IFITM3: variants seen among roughly 807,000 people sequenced by gnomAD.
IFITM3 encodes interferon-induced transmembrane protein 3.
IFITM3 carries 5 observed loss-of-function variants against 5.2 expected under a neutral mutation model. That is an observed-to-expected ratio of 0.96 (90% CI 0.50 to 2.03). The LOEUF is 2.03. IFITM3 is among the 30% of genes most tolerant of loss of function. The probability of loss-of-function intolerance (pLI) is 0.01; values close to 1 mark genes in which losing one functional copy is unlikely to be tolerated. For synonymous variants in IFITM3, 81 were observed against 77.6 expected, an observed-to-expected ratio of 1.04 and a Z score of -0.23; for missense variants, 156 against 177.3, an observed-to-expected ratio of 0.88 and a Z score of 0.68.
In IFITM3 at chr11:320,693, G is replaced by C. The variant is rs1276049245; in HGVS notation, c.121C>G (p.Pro41Ala). The C allele has an allele frequency of 1.2e-6, 2 of 1,613,488 alleles. No individual in the cohort carries two copies. The highest frequency in any genetic ancestry group is 2.7e-5 in the African/African-American group (2 of 74,806). ...CGGATGTGGATCACGGTGGACGTCGGGGGAGCAGGGTTGTGGGGCGCCCCC... is the reference window on the plus strand; with the variant it reads ...CGGATGTGGATCACGGTGGACGTCGCGGGAGCAGGGTTGTGGGGCGCCCCC... ...VLGAPHNPAP[P>A]TSTVIHIRSE... Residue 41 changes from proline to alanine, a missense_variant, in exon 1 of 2, where the codon CCG (proline) becomes GCG (alanine). Transcript: ENST00000399808.
At position 320,817 on chromosome 11, in the gene IFITM3, G is replaced by T; in HGVS notation, c.-4C>A. ...AGGTTTGGACAGTGTGATTCATGGT[G>T]TCCAGCGAAGACCAGCGGCGGTCGG... On this transcript the variant is annotated 5_prime_UTR_variant, in exon 1 of 2. Transcript: ENST00000399808. 1 of 1,602,442 alleles carries T rather than the reference G, an allele frequency of 6.2e-7. No individual in the cohort carries two copies. The highest frequency in any genetic ancestry group is 8.5e-7 in the Non-Finnish European group (1 of 1,170,928).
Position 319,994 on chromosome 11 carries a change from G to A in IFITM3, c.250-4C>T. On this transcript the variant is annotated splice_polypyrimidine_tract_variant and splice_region_variant and intron_variant, in intron 1 of 1. Coordinates refer to ENST00000399808, the MANE Select transcript of IFITM3 (RefSeq NM_021034.3). ...CAACCATCTTCCTGTCCCTAGACTG[G>A]GGGAGAGGAGATGGTGAGGGGACCA... 4 of 1,612,758 alleles carry A rather than the reference G, an allele frequency of 2.5e-6. No individual in the cohort carries two copies. The highest frequency in any genetic ancestry group is 3.4e-6 in the Non-Finnish European group (4 of 1,179,568).
At chr11:320,054 C>A (rs200390638) in intron 1 of IFITM3, 64 bp from the exon 2 acceptor site, 12 of 1,603,966 alleles carry the variant, frequency 7.5e-6, no homozygotes, top group Non-Finnish European at 9.4e-6. Context: ...GCTATGGCTC[C>A]GTCTCCTCAT....
In IFITM3 at chr11:320,516, G is replaced by C. The variant is rs529461481; in HGVS notation, c.249+49C>G. The C allele has an allele frequency of 1.6e-5, 25 of 1,603,562 alleles. No individual in the cohort carries two copies. In the South Asian group the frequency reaches 2.8e-4, roughly 18 times the overall value. On this transcript the variant is annotated intron_variant, in intron 1 of 1. Coordinates refer to ENST00000399808, the MANE Select transcript of IFITM3 (RefSeq NM_021034.3). ...CCCAGGCAGCATGTGGGCAGGTGGA[G>C]CTCCAGGCTCAGCGGCACCCTCTGA...
At position 320,860 on chromosome 11, in the gene IFITM3, C is replaced by T. The variant is rs770352701; in HGVS notation, c.-47G>A. On this transcript the variant is annotated 5_prime_UTR_variant, in exon 1 of 2. Transcript: ENST00000399808. Reference sequence around the variant, plus strand: ...GCGGTCGGGTTACTGGGATGGTTCTCAGTGAGCCCTCCCTTTCCCCAGTAG... The same window carrying T: ...GCGGTCGGGTTACTGGGATGGTTCTTAGTGAGCCCTCCCTTTCCCCAGTAG... 6.4e-6 allele frequency: 10 copies of T among 1,568,294 alleles called. No individual in the cohort carries two copies. The South Asian group carries it at 1.2e-4, about 18-fold the overall frequency.
In IFITM3 at chr11:319,755, G is replaced by A. The variant is rs548618121; in HGVS notation, c.*83C>T. On this transcript the variant is annotated 3_prime_UTR_variant, in exon 2 of 2. Transcript: ENST00000399808. ...AAGGGCTGATACAGGACTCGGCTCC[G>A]GGGGCAGGGCGAGGAATGGAAGTTG... 1.8e-4 allele frequency: 287 copies of A among 1,577,290 alleles called. No homozygotes were observed. Among genetic ancestry groups the A allele is most frequent in the African/African-American group, 1.3e-3 (96 of 74,260 alleles).
At position 319,874 on chromosome 11, in the gene IFITM3, G is replaced by A. The variant is rs2119486884; in HGVS notation, c.366C>T (p.Ile122=). The A allele has an allele frequency of 1.9e-6, 3 of 1,614,194 alleles. No homozygotes were observed. The highest frequency in any genetic ancestry group is 1.7e-5 in the Admixed American group (1 of 60,026). The change falls in exon 2 of 2, where the codon ATC becomes ATT. Residue 122 remains isoleucine, a synonymous_variant. Transcript: ENST00000399808. The part of the protein sequence containing the change: ...ILGILMTILL[I]VIPVLIFQAY... ...CCTGGAAGATCAGCACTGGGATGAC[G>A]ATGAGCAGAATGGTCATGAGGATGC...
Position 320,715 on chromosome 11 carries a change from C to A in IFITM3, c.99G>T (p.Gly33=). Reference sequence around the variant, plus strand: ...TCGGGGGAGCAGGGTTGTGGGGCGCCCCCAGCACAGCCACCTCGTGCTCCT... The same window carrying A: ...TCGGGGGAGCAGGGTTGTGGGGCGCACCCAGCACAGCCACCTCGTGCTCCT... The part of the protein sequence containing the change: ...LKEEHEVAVL[G]APHNPAPPTS... Residue 33 remains glycine, a synonymous_variant, in exon 1 of 2, where the codon GGG becomes GGT. Transcript: ENST00000399808. The A allele has an allele frequency of 6.2e-7, 1 of 1,613,866 alleles. No individual in the cohort carries two copies. Among genetic ancestry groups the A allele is most frequent in the Non-Finnish European group, 8.5e-7 (1 of 1,179,860 alleles).
At position 320,762 on chromosome 11, in the gene IFITM3, G is replaced by A. The variant is rs764925878; in HGVS notation, c.52C>T (p.Pro18Ser). 5.0e-6 allele frequency: 8 copies of A among 1,613,880 alleles called. No homozygotes were observed. The Admixed American group carries it at 1.2e-4, about 24-fold the overall frequency. ...FFSPVNSGQP[P>S]NYEMLKEEHE... is the part of the protein sequence containing the mutation. ...TCCTCCTTGAGCATCTCATAGTTGGGGGGCTGGCCACTGTTGACAGGAGAG... is the reference window on the plus strand; with the variant it reads ...TCCTCCTTGAGCATCTCATAGTTGGAGGGCTGGCCACTGTTGACAGGAGAG... Residue 18 changes from proline to serine, a missense_variant, in exon 1 of 2, where the codon CCC (proline) becomes TCC (serine). Transcript: ENST00000399808.
chr11:319,694 T>G lies in IFITM3; in HGVS notation c.*144A>C. On this transcript the variant is annotated 3_prime_UTR_variant, in exon 2 of 2. Coordinates refer to ENST00000399808, the MANE Select transcript of IFITM3 (RefSeq NM_021034.3). ...CAGCAGCACCAGAAACACGTGCACT[T>G]TATTGAATGCCATTGTAGAAAAGCG... The G allele has an allele frequency of 3.7e-6, 4 of 1,081,730 alleles. No individual in the cohort carries two copies. Among genetic ancestry groups the G allele is most frequent in the Non-Finnish European group, 5.6e-6 (4 of 718,470 alleles). The allele number at this position is 1,081,730 out of a possible 1,614,324, so 67.0% of individuals were successfully genotyped here. A position where few individuals can be genotyped will look rare whatever the true frequency, so the allele number is the denominator to read the frequency against.
Position 319,715 on chromosome 11 carries a change from A to G in IFITM3, c.*123T>C. 1 of 1,252,794 alleles carries G rather than the reference A, an allele frequency of 8.0e-7. No homozygotes were observed. Among genetic ancestry groups the G allele is most frequent in the African/African-American group, 1.5e-5 (1 of 67,856 alleles). 77.6% of individuals were successfully genotyped at this position (1,252,794 alleles called of 1,614,324 possible). On this transcript the variant is annotated 3_prime_UTR_variant, in exon 2 of 2. Coordinates refer to ENST00000399808, the MANE Select transcript of IFITM3 (RefSeq NM_021034.3). ...CACTTTATTGAATGCCATTGTAGAA[A>G]AGCGTGTGAGGATAAAGGGCTGATA...
chr11:319,718 C>G lies in IFITM3; in HGVS notation c.*120G>C. 7.9e-7 allele frequency: 1 copy of G among 1,264,262 alleles called. No homozygotes were observed. Among genetic ancestry groups the G allele is most frequent in the Non-Finnish European group, 1.1e-6 (1 of 871,822 alleles). The allele number at this position is 1,264,262 out of a possible 1,614,324, so 78.3% of individuals were successfully genotyped here. On this transcript the variant is annotated 3_prime_UTR_variant, in exon 2 of 2. Coordinates refer to ENST00000399808, the MANE Select transcript of IFITM3 (RefSeq NM_021034.3). ...TTTATTGAATGCCATTGTAGAAAAG[C>G]GTGTGAGGATAAAGGGCTGATACAG... is the stretch of plus-strand genomic sequence containing the variant.
chr11:319,853 G>A lies in IFITM3; in HGVS notation c.387C>T (p.Phe129=), dbSNP rs760227112. The change falls in exon 2 of 2, where the codon TTC becomes TTT. Residue 129 remains phenylalanine, a synonymous_variant. Transcript: ENST00000399808. ...GCCTCCTGATCTATCCATAGGCCTG[G>A]AAGATCAGCACTGGGATGACGATGA... ...ILLIVIPVLI[F]QAYG The A allele has an allele frequency of 1.5e-5, 25 of 1,614,086 alleles. No individual in the cohort carries two copies. Among genetic ancestry groups the A allele is most frequent in the South Asian group, 1.3e-4 (12 of 91,090 alleles).
rs768839331 is a variant in IFITM3, at chr11:319,741, C to A, written c.*97G>T. On this transcript the variant is annotated 3_prime_UTR_variant, in exon 2 of 2. Coordinates refer to ENST00000399808, the MANE Select transcript of IFITM3 (RefSeq NM_021034.3). The stretch of plus-strand genomic sequence containing the variant: ...AGCGTGTGAGGATAAAGGGCTGATA[C>A]AGGACTCGGCTCCGGGGGCAGGGCG... 6.7e-7 allele frequency: 1 copy of A among 1,499,706 alleles called. No individual in the cohort carries two copies. Among genetic ancestry groups the A allele is most frequent in the South Asian group, 1.1e-5 (1 of 88,024 alleles). The allele number at this position is 1,499,706 out of a possible 1,614,324, so 92.9% of individuals were successfully genotyped here.
chr11:320,845 T>G lies in IFITM3; in HGVS notation c.-32A>C, dbSNP rs1846094488. 3 of 1,585,276 alleles carry G rather than the reference T, an allele frequency of 1.9e-6. No homozygotes were observed. Among genetic ancestry groups the G allele is most frequent in the Non-Finnish European group, 2.6e-6 (3 of 1,160,084 alleles). ...CAGCGAAGACCAGCGGCGGTCGGGT[T>G]ACTGGGATGGTTCTCAGTGAGCCCT... On this transcript the variant is annotated 5_prime_UTR_variant, in exon 1 of 2. Transcript: ENST00000399808.
Position 319,838 on chromosome 11 carries a change from C to T in IFITM3, c.402G>A (p.Ter134=). The change falls in exon 2 of 2, where the codon TAG becomes TAA. Residue 134 remains the stop codon, a stop_retained_variant. Transcript: ENST00000399808. ...IPVLIFQAYG[*] Reference sequence around the variant, plus strand: ...CCTGGCCTCAGTGATGCCTCCTGATCTATCCATAGGCCTGGAAGATCAGCA... The same window carrying T: ...CCTGGCCTCAGTGATGCCTCCTGATTTATCCATAGGCCTGGAAGATCAGCA... 3 of 1,614,184 alleles carry T rather than the reference C, an allele frequency of 1.9e-6. No homozygotes were observed. Among genetic ancestry groups the T allele is most frequent in the Non-Finnish European group, 2.5e-6 (3 of 1,180,012 alleles).
chr11:320,490 C>T (rs1310975822), intron 1 of IFITM3, 75 bp downstream of exon 1: 2 of 1,589,008 alleles, frequency 1.3e-6, no homozygotes, highest in Non-Finnish European at 1.7e-6. Flanking sequence ...CAAGTCCCCA[C>T]CCCAGGCAGC....
intron 1 of IFITM3, 145 bp from the exon 2 acceptor site, chr11:320,135 C>G: frequency 1.2e-6 from 1 of 860,926 alleles, no homozygotes; most frequent in Non-Finnish European, 1.9e-6. Flanking sequence ...TCTCCAGGAG[C>G]CTCGGGGCTC....
In IFITM3 at chr11:320,723, C is replaced by T. The variant is rs199582787; in HGVS notation, c.91G>A (p.Val31Met). The T allele has an allele frequency of 6.2e-4, 931 of 1,490,134 alleles. No homozygotes were observed. The highest frequency in any genetic ancestry group is 1.1e-3 in the African/African-American group (75 of 68,956). 92.3% of individuals were successfully genotyped at this position (1,490,134 alleles called of 1,614,324 possible). ...EMLKEEHEVA[V>M]LGAPHNPAPP... Reference sequence around the variant, plus strand: ...GCAGGGTTGTGGGGCGCCCCCAGCACAGCCACCTCGTGCTCCTCCTTGAGC... The same window carrying T: ...GCAGGGTTGTGGGGCGCCCCCAGCATAGCCACCTCGTGCTCCTCCTTGAGC... Residue 31 changes from valine to methionine, a missense_variant, in exon 1 of 2, where the codon GTG (valine) becomes ATG (methionine). Val to Met is a conservative substitution (Grantham distance 21). Coordinates refer to ENST00000399808, the MANE Select transcript of IFITM3 (RefSeq NM_021034.3).
Sources: gnomAD v4.1 joint callset for allele counts on GRCh38, gnomAD v4.1.1 for gene constraint, MANE v1.5 for transcripts, NCBI Gene and HGNC (gene_info 2026-07-23, HGNC 2026-07-21) for gene names.